TMEM266: variants seen among roughly 807,000 people sequenced by gnomAD.
TMEM266 encodes the protein transmembrane protein 266.
In TMEM266, 33 loss-of-function variants were observed where a neutral mutation model predicts 50.5. The ratio of observed to expected loss-of-function variants is 0.65; its 90% CI spans 0.50 to 0.87. The LOEUF is 0.87. Among genes scored for constraint, TMEM266 ranks in the 40% least tolerant of loss-of-function variants. The probability of loss-of-function intolerance (pLI) is 0.00; values close to 1 mark genes in which losing one functional copy is unlikely to be tolerated. For missense variants in TMEM266, 655 were observed against 695.1 expected (o/e 0.94, Z 0.65); for synonymous variants, 310 against 292.3 (o/e 1.06, Z -0.62).
intron 1 of TMEM266, among the ~76,000 whole-genome samples, chr15:76,098,136 TC>T (rs2036949025): frequency 6.6e-6 from 1 of 152,126 alleles, no homozygotes; most frequent in African/African-American, 2.4e-5. Flanking sequence ...CCAGTTTTGT[TC>T]CCTTGCTGAC....
chr15:76,150,779 C>G (rs1403464159), intron 3 of TMEM266, among the ~76,000 whole-genome samples: 1 of 152,244 alleles, frequency 6.6e-6, no homozygotes, highest in Non-Finnish European at 1.5e-5. Context: ...CCTGACAGAG[C>G]AGTGGCTTGA....
At chr15:76,064,433 C>T (rs1005899402) in intron 1 of TMEM266, among the ~76,000 whole-genome samples, 3 of 152,042 alleles carry the variant, frequency 2.0e-5, no homozygotes, top group Non-Finnish European at 2.9e-5. Flanking sequence ...GTTCTTGGGC[C>T]GTAGCAAAAT....
Position 76,204,036 on chromosome 15 carries a change from AGTCCAGGACCT to A in TMEM266, c.1319_1329del (p.Val440AlafsTer87). The A allele has an allele frequency of 6.2e-7, 1 of 1,609,838 alleles. No individual in the cohort carries two copies. Among genetic ancestry groups the A allele is most frequent in the South Asian group, 1.1e-5 (1 of 91,014 alleles). On this transcript the variant is annotated frameshift_variant, in exon 11 of 11. Transcript: ENST00000388942. LOFTEE classifies it high-confidence loss of function. ...CCCAGCAGCAGGTGGAGGAGGCCAC[AGTCCAGGACCT>A]GCTGTCCTCCCTGTCGGAGGACCCC...
intron 1 of TMEM266, among the ~76,000 whole-genome samples, chr15:76,078,724 T>C (rs904101246): frequency 6.6e-6 from 1 of 152,180 alleles, no homozygotes; most frequent in Non-Finnish European, 1.5e-5. Context: ...CTTCCTTCCC[T>C]AAAGGGAAGA....
At chr15:76,128,998 T>C (rs1416160815) in intron 1 of TMEM266, among the ~76,000 whole-genome samples, 1 of 152,152 alleles carries the variant, frequency 6.6e-6, no homozygotes, top group Non-Finnish European at 1.5e-5. Context: ...TGAAAACAAA[T>C]AAAGGGGCGA....
At chr15:76,162,916 G>C (rs771909703) in intron 5 of TMEM266, among the ~76,000 whole-genome samples, 1 of 152,176 alleles carries the variant, frequency 6.6e-6, no homozygotes, top group East Asian at 1.9e-4. Context: ...GCGGCACTCC[G>C]AGCCTCCTTG....
At chr15:76,176,794 C>A (rs1230130093) in intron 8 of TMEM266, among the ~76,000 whole-genome samples, 1 of 152,190 alleles carries the variant, frequency 6.6e-6, no homozygotes, top group Non-Finnish European at 1.5e-5. Flanking sequence ...CCCTATTCCT[C>A]CCCCATTGCT....
intron 3 of TMEM266, among the ~76,000 whole-genome samples, chr15:76,138,737 A>G (rs1352741161): frequency 6.6e-6 from 1 of 152,272 alleles, no homozygotes; most frequent in Non-Finnish European, 1.5e-5. Flanking sequence ...TGGGTCCACA[A>G]TTCAAAAAGG....
At position 76,166,658 on chromosome 15, in the gene TMEM266, A is replaced by T. The variant is rs568520834; in HGVS notation, c.457-3158A>T. 1.3e-4 allele frequency among the ~76,000 whole-genome samples: 19 copies of T among 151,902 alleles called. No individual in the cohort carries two copies. In the South Asian group the frequency reaches 3.7e-3, roughly 30 times the overall value. Reference sequence around the variant, plus strand: ...AGTCCCACCCTGGCCGGCTCCCTCCACCCCTCACTCCTGGGCCTCTGCCTT... The same window carrying T: ...AGTCCCACCCTGGCCGGCTCCCTCCTCCCCTCACTCCTGGGCCTCTGCCTT... On this transcript the variant is annotated intron_variant, in intron 5 of 10. Coordinates refer to ENST00000388942, the MANE Select transcript of TMEM266 (RefSeq NM_152335.3).
intron 1 of TMEM266, among the ~76,000 whole-genome samples, chr15:76,061,855 C>T (rs1487774438): frequency 6.6e-6 from 1 of 152,232 alleles, no homozygotes; most frequent in African/African-American, 2.4e-5. Flanking sequence ...TCTGGTCTCA[C>T]TGCCAGTCAT....
At chr15:76,098,961 C>T (rs544502887) in intron 1 of TMEM266, among the ~76,000 whole-genome samples, 19 of 152,314 alleles carry the variant, frequency 1.2e-4, no homozygotes, top group African/African-American at 4.3e-4. Flanking sequence ...CCATCTCAGA[C>T]AGCTGCTGTG....
At chr15:76,102,480 C>T (rs183864301) in intron 1 of TMEM266, among the ~76,000 whole-genome samples, 26 of 152,156 alleles carry the variant, frequency 1.7e-4, no homozygotes, top group Non-Finnish European at 3.2e-4. Flanking sequence ...GCCATGGACA[C>T]CTGAGAGAAG....
intron 6 of TMEM266, 58 bp from the exon 7 acceptor site, chr15:76,170,935 C>T: frequency 6.5e-7 from 1 of 1,543,388 alleles, no homozygotes; most frequent in Non-Finnish European, 8.8e-7. Flanking sequence ...GCCTGACTGA[C>T]CCCTGGTCCC....
chr15:76,116,207 T>G (rs2955764), intron 1 of TMEM266, among the ~76,000 whole-genome samples: 1 of 151,814 alleles, frequency 6.6e-6, no homozygotes, highest in Non-Finnish European at 1.5e-5. Context: ...CCTCTACTTA[T>G]GCACGTCTCC....
chr15:76,126,351 A>G (rs1048222131), intron 1 of TMEM266, among the ~76,000 whole-genome samples: 3 of 135,780 alleles, frequency 2.2e-5, no homozygotes, highest in East Asian at 2.3e-4. Flanking sequence ...ATGTGTGTGT[A>G]CACACACACA....
intron 1 of TMEM266, among the ~76,000 whole-genome samples, chr15:76,081,045 C>G (rs1011577072): frequency 6.6e-6 from 1 of 152,206 alleles, no homozygotes; most frequent in African/African-American, 2.4e-5. Flanking sequence ...CCTCCGTACC[C>G]AGCACCCTGG....
intron 1 of TMEM266, among the ~76,000 whole-genome samples, chr15:76,078,060 G>A (rs970795997): frequency 2.6e-5 from 4 of 152,074 alleles, no homozygotes; most frequent in Non-Finnish European, 5.9e-5. Context: ...CTGTGTGGAT[G>A]GTAGTGGGGC....
intron 1 of TMEM266, among the ~76,000 whole-genome samples, chr15:76,110,034 C>T (rs568619048): frequency 6.6e-6 from 1 of 152,092 alleles, no homozygotes; most frequent in Non-Finnish European, 1.5e-5. Context: ...GAGTCTCACC[C>T]TGTCGCCCAG....
chr15:76,133,265 C>A (rs756457312), intron 1 of TMEM266, among the ~76,000 whole-genome samples: 4 of 152,104 alleles, frequency 2.6e-5, no homozygotes, highest in Non-Finnish European at 4.4e-5. Context: ...GAAACCCCGT[C>A]TCTACTAAAA....
Sources: gnomAD v4.1 joint callset for allele counts (sites outside exome capture counted in the v4.1 genomes callset) on GRCh38, gnomAD v4.1.1 for gene constraint, MANE v1.5 for transcripts, NCBI Gene and HGNC (gene_info 2026-07-23, HGNC 2026-07-21) for gene names.